Variants in COG5 observed in about 807,000 individuals in gnomAD.
The protein encoded by COG5 is component of oligomeric golgi complex 5.
Under a neutral mutation model 110.4 loss-of-function variants are expected in COG5, and 86 were observed. The observed-to-expected ratio is 0.78, with a 90% CI of 0.65 to 0.93. The LOEUF (loss-of-function observed/expected upper bound fraction) is 0.93, where lower values mean the gene tolerates loss of function less well. COG5 is among the 40% of genes least tolerant of loss of function. The probability of loss-of-function intolerance (pLI) is 0.00; values close to 1 mark genes in which losing one functional copy is unlikely to be tolerated. For missense variants in COG5, 1,077 were observed against 987.0 expected (o/e 1.09, Z -1.22); for synonymous variants, 360 against 334.6 (o/e 1.08, Z -0.83).
chr7:107,231,293 C>T (rs1043676903), intron 18 of COG5, among the ~76,000 whole-genome samples: 1 of 152,170 alleles, frequency 6.6e-6, no homozygotes, highest in Admixed American at 6.5e-5. Flanking sequence ...ATGTGCATAG[C>T]ATATAAGTGC....
chr7:107,236,518 G>A lies in COG5; in HGVS notation c.2023C>T (p.Arg675Cys), dbSNP rs149517266. The A allele has an allele frequency of 4.6e-4, 736 of 1,614,098 alleles. 1 individual carries two copies. Among genetic ancestry groups the A allele is most frequent in the Non-Finnish European group, 5.8e-4 (686 of 1,180,016 alleles). ...IAQRAVELFIRHASLIRPLGE... is the reference protein window; with the variant it reads ...IAQRAVELFICHASLIRPLGE... Reference sequence around the variant, plus strand: ...AGAGGTCTTATGAGACTGGCATGGCGGATAAAAAGTTCAACAGCTCTTTGG... The same window carrying A: ...AGAGGTCTTATGAGACTGGCATGGCAGATAAAAAGTTCAACAGCTCTTTGG... The change falls in exon 18 of 22, where the codon CGC becomes TGC. Residue 675 changes from arginine to cysteine, a missense_variant. Arg to Cys is a radical substitution (Grantham distance 180, BLOSUM62 -3). Coordinates refer to ENST00000297135, the MANE Select transcript of COG5 (RefSeq NM_006348.5).
chr7:107,537,502 C>T (rs573873498), intron 5 of COG5, among the ~76,000 whole-genome samples: 11 of 152,138 alleles, frequency 7.2e-5, no homozygotes, highest in South Asian at 2.1e-4. Context: ...GAAAACCAAA[C>T]GCTGCATATT....
At chr7:107,518,947 TAACA>T (rs1252862146) in intron 6 of COG5, among the ~76,000 whole-genome samples, 6 of 152,142 alleles carry the variant, frequency 3.9e-5, no homozygotes, top group Non-Finnish European at 8.8e-5. Context: ...ATGGAAATCA[TAACA>T]AACAGTCCAC....
intron 6 of COG5, among the ~76,000 whole-genome samples, chr7:107,477,650 C>A (rs1387992627): frequency 6.6e-6 from 1 of 151,708 alleles, no homozygotes; most frequent in Non-Finnish European, 1.5e-5. Flanking sequence ...AAAACTCATA[C>A]CTATCAGAAA....
At chr7:107,218,037 A>C (rs1255185997) in intron 19 of COG5, among the ~76,000 whole-genome samples, 3 of 152,118 alleles carry the variant, frequency 2.0e-5, no homozygotes, top group Non-Finnish European at 4.4e-5. Context: ...AGACAAATCT[A>C]ATCAATAACA....
chr7:107,371,655 T>G (rs1477820348), intron 8 of COG5, among the ~76,000 whole-genome samples: 1 of 152,100 alleles, frequency 6.6e-6, no homozygotes, highest in Non-Finnish European at 1.5e-5. Context: ...AGAAATAACA[T>G]GCAGGTAGTA....
chr7:107,530,898 A>C (rs1341151292), intron 5 of COG5, among the ~76,000 whole-genome samples: 3 of 152,148 alleles, frequency 2.0e-5, no homozygotes, highest in African/African-American at 7.2e-5. Flanking sequence ...AGAGATACAC[A>C]GCTAAAGGAA....
chr7:107,324,687 TG>T (rs1322334857), intron 10 of COG5, among the ~76,000 whole-genome samples, 166 bp from the exon 11 acceptor site: 5 of 152,308 alleles, frequency 3.3e-5, no homozygotes, highest in Non-Finnish European at 7.4e-5. Context: ...AATACAAAGA[TG>T]ATTCAAATTA....
At chr7:107,271,369 T>G (rs1167212819) in intron 14 of COG5, among the ~76,000 whole-genome samples, 1 of 152,112 alleles carries the variant, frequency 6.6e-6, no homozygotes, top group African/African-American at 2.4e-5. Flanking sequence ...ACAGATCAAT[T>G]TCAGAAGAAT....
chr7:107,435,356 G>A (rs555314581), intron 6 of COG5, among the ~76,000 whole-genome samples: 1 of 151,930 alleles, frequency 6.6e-6, no homozygotes, highest in East Asian at 1.9e-4. Flanking sequence ...GGAGTATATA[G>A]AAAAACTGAA....
intron 6 of COG5, among the ~76,000 whole-genome samples, chr7:107,421,093 A>G (rs1263794596): frequency 6.6e-6 from 1 of 152,184 alleles, no homozygotes; most frequent in African/African-American, 2.4e-5. Context: ...TACATTGTCC[A>G]TCTGTTCTTC....
At chr7:107,552,146 C>T (rs548530842) in intron 3 of COG5, among the ~76,000 whole-genome samples, 1 of 152,238 alleles carries the variant, frequency 6.6e-6, no homozygotes, top group East Asian at 1.9e-4. Flanking sequence ...ATTTCTGTTG[C>T]GGTGATTCAT....
rs556698249 is a variant in COG5, at chr7:107,471,581, C to A, written c.538+55656G>T. 9 of 151,812 alleles carry A rather than the reference C, an allele frequency of 5.9e-5. No homozygotes were observed. In the South Asian group the frequency reaches 1.9e-3, roughly 32 times the overall value. 9.4% of individuals were successfully genotyped at this position (151,812 alleles called of 1,614,324 possible). On this transcript the variant is annotated intron_variant, in intron 6 of 21. Transcript: ENST00000297135. The stretch of plus-strand genomic sequence containing the variant: ...CCTAAGAAGATGCTACATAAAATAA[C>A]CACAAAAAGAAAAACAATATAACTG...
At chr7:107,481,874 A>G (rs1797373562) in intron 6 of COG5, among the ~76,000 whole-genome samples, 1 of 152,150 alleles carries the variant, frequency 6.6e-6, no homozygotes, top group Admixed American at 6.6e-5. Context: ...CACTACTTTT[A>G]TAATACCTTT....
intron 7 of COG5, among the ~76,000 whole-genome samples, chr7:107,394,462 T>G (rs530162097): frequency 7.9e-5 from 12 of 152,154 alleles, no homozygotes; most frequent in Admixed American, 2.0e-4. Flanking sequence ...AAAATAAAAT[T>G]CCACAAAAAT....
intron 18 of COG5, among the ~76,000 whole-genome samples, chr7:107,233,695 G>T (rs542783727): frequency 2.0e-5 from 3 of 152,042 alleles, no homozygotes; most frequent in African/African-American, 4.8e-5. Flanking sequence ...GTGTATTTTT[G>T]ATTTCAGTGA....
chr7:107,420,922 T>C (rs1254686240), intron 6 of COG5, among the ~76,000 whole-genome samples: 1 of 152,204 alleles, frequency 6.6e-6, no homozygotes, highest in African/African-American at 2.4e-5. Flanking sequence ...CAAAGCTTCA[T>C]GGAAATTTAG....
At position 107,262,560 on chromosome 7, in the gene COG5, G is replaced by A. The variant is rs537635609; in HGVS notation, c.1576-4177C>T. Among the ~76,000 whole-genome samples, 4 of 152,242 alleles carry A rather than the reference G, an allele frequency of 2.6e-5. No homozygotes were observed. The South Asian group carries it at 8.3e-4, about 32-fold the overall frequency. On this transcript the variant is annotated intron_variant, in intron 14 of 21. Transcript: ENST00000297135. The stretch of plus-strand genomic sequence containing the variant: ...AATGCCTGAGTGTGAGAAGCTGAAT[G>A]AGCTTCTCACTGGTTGGACTTTAAA...
intron 7 of COG5, among the ~76,000 whole-genome samples, chr7:107,377,102 G>T (rs1814700478): frequency 1.3e-5 from 2 of 152,002 alleles, no homozygotes; most frequent in Non-Finnish European, 1.5e-5. Flanking sequence ...CATATGTTTG[G>T]TCCCTCTTTC....
Sources: gnomAD v4.1 joint callset for allele counts (sites outside exome capture counted in the v4.1 genomes callset) on GRCh38, gnomAD v4.1.1 for gene constraint, MANE v1.5 for transcripts, NCBI Gene and HGNC (gene_info 2026-07-23, HGNC 2026-07-21) for gene names.